ZFR2: variants seen among roughly 807,000 people sequenced by gnomAD.
ZFR2 encodes zinc finger RNA-binding protein 2.
A neutral mutation model predicts 105.7 loss-of-function variants in ZFR2; 104 were observed. The observed-to-expected ratio is 0.98, with a 90% CI of 0.84 to 1.16. ZFR2 has a LOEUF of 1.16. ZFR2 is among the 50% of genes most tolerant of loss of function. ZFR2 has a pLI of 0.00. For synonymous variants in ZFR2, 634 were observed against 597.7 expected, an observed-to-expected ratio of 1.06 and a Z score of -0.89; for missense variants, 1,425 against 1,355.5, an observed-to-expected ratio of 1.05 and a Z score of -0.80.
intron 1 of ZFR2, among the ~76,000 whole-genome samples, chr19:3,840,153 C>A (rs2038120785): frequency 1.3e-5 from 2 of 152,182 alleles, no homozygotes; most frequent in Non-Finnish European, 2.9e-5. Flanking sequence ...GACAAAGGAT[C>A]CTCTGCCCAG....
intron 5 of ZFR2, among the ~76,000 whole-genome samples, chr19:3,828,971 T>G (rs1047680565): frequency 5.3e-5 from 8 of 151,650 alleles, no homozygotes; most frequent in Non-Finnish European, 1.0e-4. Context: ...TCTTTTTTTT[T>G]TTTTTTTTAA....
chr19:3,809,581 C>A (rs1239706757), intron 16 of ZFR2, among the ~76,000 whole-genome samples: 1 of 152,204 alleles, frequency 6.6e-6, no homozygotes, highest in Non-Finnish European at 1.5e-5. Flanking sequence ...GACAGCCGCA[C>A]ACCGGTCACC....
Position 3,813,078 on chromosome 19 carries a change from T to C in ZFR2, c.2242+742A>G, listed in dbSNP as rs753053328. Among the ~76,000 whole-genome samples the C allele has an allele frequency of 2.6e-5, 4 of 152,118 alleles. No individual in the cohort carries two copies. The highest frequency in any genetic ancestry group is 4.4e-5 in the Non-Finnish European group (3 of 68,020). Reference sequence around the variant, plus strand: ...CTGGGCAACAGAGCGAGACTCTGTCTCAAAAAACAAACAAACAAAAAATAC... The same window carrying C: ...CTGGGCAACAGAGCGAGACTCTGTCCCAAAAAACAAACAAACAAAAAATAC... On this transcript the variant is annotated intron_variant, in intron 14 of 18. Coordinates refer to ENST00000262961, the MANE Select transcript of ZFR2 (RefSeq NM_015174.2). The surrounding 1 kb of genome is among the most constrained non-coding windows in gnomAD (Gnocchi z 4.4).
Position 3,822,093 on chromosome 19 carries a change from C to G in ZFR2, c.1479G>C (p.Arg493=), listed in dbSNP as rs769602755. The change falls in exon 9 of 19, where the codon CGG becomes CGC. Residue 493 remains arginine, a synonymous_variant. Coordinates refer to ENST00000262961, the MANE Select transcript of ZFR2 (RefSeq NM_015174.2). ...CTGCTGGACGCACCCGGTACTGCAGCCGGTGCCGCCGCCCCCTCACGTGCA... is the reference window on the plus strand; with the variant it reads ...CTGCTGGACGCACCCGGTACTGCAGGCGGTGCCGCCGCCCCCTCACGTGCA... ...KDLHVRGRRH[R]LQYRKKVNPD... 3 of 1,605,012 alleles carry G rather than the reference C, an allele frequency of 1.9e-6. No homozygotes were observed. Among genetic ancestry groups the G allele is most frequent in the South Asian group, 2.2e-5 (2 of 89,242 alleles).
intron 16 of ZFR2, 84 bp from the exon 17 acceptor site, chr19:3,809,067 A>G (rs1020580534): frequency 9.7e-7 from 1 of 1,027,282 alleles, no homozygotes; most frequent in South Asian, 1.8e-5. Context: ...TCCCTGGGAC[A>G]GGAGGCCCCC....
intron 1 of ZFR2, among the ~76,000 whole-genome samples, chr19:3,839,954 G>A (rs1380795073): frequency 1.3e-5 from 2 of 152,004 alleles, no homozygotes; most frequent in African/African-American, 2.4e-5. Context: ...CCTGGGCTCC[G>A]TATGAATCTG....
chr19:3,863,035 G>A (rs1274897378), intron 1 of ZFR2, among the ~76,000 whole-genome samples: 1 of 152,222 alleles, frequency 6.6e-6, no homozygotes, highest in Non-Finnish European at 1.5e-5. Flanking sequence ...CCCCCAAGGT[G>A]GCGACATCGG....
At chr19:3,853,562 G>A (rs962244083) in intron 1 of ZFR2, among the ~76,000 whole-genome samples, 4 of 152,110 alleles carry the variant, frequency 2.6e-5, no homozygotes, top group African/African-American at 9.7e-5. Flanking sequence ...CACACCCCGT[G>A]AGAGAAGCCA....
intron 1 of ZFR2, among the ~76,000 whole-genome samples, chr19:3,841,483 G>A (rs1021847552): frequency 6.6e-6 from 1 of 152,096 alleles, no homozygotes; most frequent in Non-Finnish European, 1.5e-5. Context: ...CCAGGAGTTC[G>A]AGACCAGCCT....
Position 3,831,471 on chromosome 19 carries a change from T to G in ZFR2, c.684A>C (p.Gly228=). The change falls in exon 5 of 19, where the codon GGA becomes GGC. Residue 228 remains glycine (G), a synonymous_variant. Transcript: ENST00000262961. ...GCGGCGGGGGCAGCTGCTGCGGGGG[T>G]CCCGGGGGAGGCGGGGGCTGCGCTG... is the stretch of plus-strand genomic sequence containing the variant. ...YPPAQPPPPP[G]PPQQLPPPPA... 1 of 1,549,968 alleles carries G rather than the reference T, an allele frequency of 6.5e-7. No individual in the cohort carries two copies. Among genetic ancestry groups the G allele is most frequent in the East Asian group, 2.4e-5 (1 of 41,076 alleles).
intron 13 of ZFR2, among the ~76,000 whole-genome samples, chr19:3,814,595 T>C (rs2037805902): frequency 6.6e-6 from 1 of 152,194 alleles, no homozygotes; most frequent in Non-Finnish European, 1.5e-5. Context: ...CTGGGGTGGA[T>C]GTTGTCAGCT....
intron 16 of ZFR2, 72 bp downstream of exon 16, chr19:3,810,678 C>T: frequency 7.1e-7 from 1 of 1,406,588 alleles, no homozygotes; most frequent in Non-Finnish European, 9.6e-7. Context: ...TGTCTCTCAG[C>T]CTGGGCCTGT....
intron 1 of ZFR2, among the ~76,000 whole-genome samples, chr19:3,857,783 G>C (rs1005810752): frequency 6.6e-5 from 10 of 151,730 alleles, no homozygotes; most frequent in Non-Finnish European, 1.2e-4. Context: ...TGCTGCTGCT[G>C]CTGTTTGGAG....
In ZFR2 at chr19:3,852,471, C is replaced by T. The variant is rs1417124855; in HGVS notation, c.53+16494G>A. ...TTGGGTCCTTCACCAGGCAGGGTCC[C>T]ATAAGATGGAGCAGATGCAGGCAAG... On this transcript the variant is annotated intron_variant, in intron 1 of 18. Coordinates refer to ENST00000262961, the MANE Select transcript of ZFR2 (RefSeq NM_015174.2). 5 of 718,398 alleles carry T rather than the reference C, an allele frequency of 7.0e-6. No individual in the cohort carries two copies. In the Admixed American group the frequency reaches 1.0e-4, roughly 14 times the overall value. The allele number at this position is 718,398 out of a possible 1,614,324, so 44.5% of individuals were successfully genotyped here. A position where few individuals can be genotyped will look rare whatever the true frequency, so the allele number is the denominator to read the frequency against.
intron 1 of ZFR2, among the ~76,000 whole-genome samples, chr19:3,860,390 G>A (rs2145193545): frequency 6.6e-6 from 1 of 152,168 alleles, no homozygotes; most frequent in East Asian, 1.9e-4. Context: ...TCTTTTGAAT[G>A]GAGTCAAGAG....
rs35877592 is a variant in ZFR2, at chr19:3,854,389, T to TAA, written c.53+14574_53+14575dup. Among the ~76,000 whole-genome samples the TAA allele has an allele frequency of 1.0e-3, 152 of 150,964 alleles. 1 individual carries two copies. The highest frequency in any genetic ancestry group is 3.4e-4 in the Non-Finnish European group (23 of 67,668). ...GGCTGGGTGACAGAGCGAGACTGTC[T>TAA]AAAAAAAAAGTCTTGTTCTTTCTAG... On this transcript the variant is annotated intron_variant, in intron 1 of 18. Coordinates refer to ENST00000262961, the MANE Select transcript of ZFR2 (RefSeq NM_015174.2).
At chr19:3,847,992 T>G (rs1241101904) in intron 1 of ZFR2, among the ~76,000 whole-genome samples, 2 of 152,170 alleles carry the variant, frequency 1.3e-5, no homozygotes, top group African/African-American at 4.8e-5. Context: ...TCTTTGGTTT[T>G]GTACAATCTA....
chr19:3,862,544 T>C (rs1196910737), intron 1 of ZFR2, among the ~76,000 whole-genome samples: 1 of 152,210 alleles, frequency 6.6e-6, no homozygotes, highest in Non-Finnish European at 1.5e-5. Context: ...GTGATCTGAC[T>C]GCCTCAGCCT....
intron 1 of ZFR2, among the ~76,000 whole-genome samples, chr19:3,865,738 G>A (rs1253540005): frequency 6.6e-6 from 1 of 152,158 alleles, no homozygotes; most frequent in Non-Finnish European, 1.5e-5. Context: ...GGCAATTCTT[G>A]AAACAGGTGT....
Sources: allele counts gnomAD v4.1 joint callset (sites outside exome capture counted in the v4.1 genomes callset), GRCh38; gene constraint gnomAD v4.1.1; non-coding constraint Gnocchi (gnomAD v3.1); transcripts MANE v1.5; gene names NCBI Gene and HGNC (gene_info 2026-07-23, HGNC 2026-07-21).